NFAT5: variants seen among roughly 807,000 people sequenced by gnomAD.
NFAT5 encodes the protein nuclear factor of activated T cells 5.
In NFAT5, 31 loss-of-function variants were observed where a neutral mutation model predicts 166.5. That is an observed-to-expected ratio of 0.19 (90% CI 0.14 to 0.25). NFAT5 has a LOEUF of 0.25. Ranked by LOEUF, NFAT5 falls within the 10% of genes least tolerant of loss-of-function variation. The probability of loss-of-function intolerance (pLI) is 1.00; values close to 1 mark genes in which losing one functional copy is unlikely to be tolerated. For synonymous variants in NFAT5, 612 were observed against 639.7 expected (o/e 0.96, Z 0.65); for missense variants, 1,449 against 1,821.8 (o/e 0.80, Z 3.72).
rs139294003 is a variant in NFAT5 at position 69,672,051 on chromosome 16, C to G, written c.1557+1763C>G. On this transcript the variant is annotated intron_variant, in intron 9 of 14. Transcript: ENST00000349945. ...ACTGTCACACAAGACATTGCAGGAACCTAGAGATTACCTCCTAGCAGCCAG... is the reference window on the plus strand; with the variant it reads ...ACTGTCACACAAGACATTGCAGGAAGCTAGAGATTACCTCCTAGCAGCCAG... Among the ~76,000 whole-genome samples, 830 of 152,314 alleles carry G rather than the reference C, an allele frequency of 5.4e-3. 7 individuals are homozygous for G. The highest frequency in any genetic ancestry group is 0.019 in the African/African-American group (778 of 41,554).
chr16:69,659,548 A>G (rs2036033945), intron 6 of NFAT5, among the ~76,000 whole-genome samples, 179 bp from the exon 7 acceptor site: 1 of 152,202 alleles, frequency 6.6e-6, no homozygotes, highest in Admixed American at 6.5e-5. Flanking sequence ...AGGATTAGGA[A>G]CAGTGGTGAA....
At chr16:69,665,385 G>A (rs980174377) in intron 7 of NFAT5, among the ~76,000 whole-genome samples, 2 of 128,322 alleles carry the variant, frequency 1.6e-5, no homozygotes, top group Non-Finnish European at 1.6e-5. Flanking sequence ...AATTGTCCCT[G>A]TTTGCAGACG....
chr16:69,649,409 T>A (rs1350575319), intron 4 of NFAT5: 1 of 983,744 alleles, frequency 1.0e-6, no homozygotes, highest in Non-Finnish European at 1.2e-6. Context: ...ATCTTGACCT[T>A]CATTTTTCTG....
At position 69,574,274 on chromosome 16, in the gene NFAT5, A is replaced by G. The variant is rs148378336; in HGVS notation, c.127+5726A>G. 2.2e-3 allele frequency among the ~76,000 whole-genome samples: 339 copies of G among 152,340 alleles called. 2 individuals are homozygous for G. Among genetic ancestry groups the G allele is most frequent in the South Asian group, 5.8e-3 (28 of 4,828 alleles). On this transcript the variant is annotated intron_variant, in intron 2 of 14. Coordinates refer to ENST00000349945, the MANE Select transcript of NFAT5 (RefSeq NM_138713.4). ...AATAAAGATTATTCAGTGGCATAGG[A>G]TATAGACCTTTTAACTTTAGAGAGG...
rs1567503124 is a variant in NFAT5 at position 69,566,265 on chromosome 16, C to A, written c.-37C>A. The stretch of plus-strand genomic sequence containing the variant: ...TGCCGCCGCCACCGCCGCTCCCCCC[C>A]TCCCGCTGCCCTCGGGCCGGGCTGG... On this transcript the variant is annotated 5_prime_UTR_variant, in exon 1 of 15. Coordinates refer to ENST00000349945, the MANE Select transcript of NFAT5 (RefSeq NM_138713.4). This position sits in a 1 kb window ranked among gnomAD's most constrained non-coding sequence, Gnocchi z 5.7. 2 of 1,581,122 alleles carry A rather than the reference C, an allele frequency of 1.3e-6. No homozygotes were observed. Among genetic ancestry groups the A allele is most frequent in the Non-Finnish European group, 8.6e-7 (1 of 1,165,124 alleles).
chr16:69,698,470 C>G lies in NFAT5; in HGVS notation c.*2119C>G, dbSNP rs2037831969. 6.6e-6 allele frequency: 1 copy of G among 151,318 alleles called. No individual in the cohort carries two copies. The highest frequency in any genetic ancestry group is 2.4e-5 in the African/African-American group (1 of 40,940). 9.4% of individuals were successfully genotyped at this position (151,318 alleles called of 1,614,324 possible). On this transcript the variant is annotated 3_prime_UTR_variant, in exon 15 of 15. Transcript: ENST00000349945. ...TGTGAGTTTGTCTGATGTTCTACCA[C>G]AACGTGGCGTCTGATAACAGTGAGG...
At chr16:69,632,976 T>G (rs1007406046) in intron 3 of NFAT5, among the ~76,000 whole-genome samples, 2 of 152,176 alleles carry the variant, frequency 1.3e-5, no homozygotes, top group African/African-American at 4.8e-5. Flanking sequence ...CATAGTAAAT[T>G]TAAATACATA....
At chr16:69,572,243 A>G (rs2016486570) in intron 2 of NFAT5, among the ~76,000 whole-genome samples, 1 of 152,184 alleles carries the variant, frequency 6.6e-6, no homozygotes, top group Non-Finnish European at 1.5e-5. Context: ...GTTATAATAC[A>G]TGGCCATTAA....
intron 2 of NFAT5, among the ~76,000 whole-genome samples, chr16:69,597,495 T>C (rs1242409293): frequency 6.6e-6 from 1 of 152,300 alleles, no homozygotes. Flanking sequence ...GGCTATCAGA[T>C]TCTTTTGCTA....
At chr16:69,650,762 G>A (rs1369592744) in intron 4 of NFAT5, among the ~76,000 whole-genome samples, 1 of 152,160 alleles carries the variant, frequency 6.6e-6, no homozygotes, top group Non-Finnish European at 1.5e-5. Context: ...TAGTCACTCA[G>A]TAAATCTGCT....
In NFAT5 at chr16:69,622,317, A is replaced by G. The variant is rs961873200; in HGVS notation, c.128-4086A>G. ...ATAAAATCCTGTGCTGGTAATGACT[A>G]TATGAACTGTAGCTTCCCTTGGATA... is the stretch of plus-strand genomic sequence containing the variant. On this transcript the variant is annotated intron_variant, in intron 2 of 14. Coordinates refer to ENST00000349945, the MANE Select transcript of NFAT5 (RefSeq NM_138713.4). 5.3e-5 allele frequency among the ~76,000 whole-genome samples: 8 copies of G among 152,352 alleles called. No homozygotes were observed. The South Asian group carries it at 1.2e-3, about 24-fold the overall frequency.
intron 7 of NFAT5, among the ~76,000 whole-genome samples, chr16:69,665,469 A>G (rs56097500): frequency 0.021 from 1,901 of 88,636 alleles, 33 homozygotes; most frequent in Non-Finnish European, 0.031. Flanking sequence ...ACTTCAGCAA[A>G]GTCTCAGGAT....
chr16:69,670,068 C>A lies in NFAT5; in HGVS notation c.1461C>A (p.Asn487Lys). Residue 487 changes from asparagine to lysine, a missense_variant, in exon 8 of 15, where the codon AAC (asparagine) becomes AAA (lysine). By Grantham distance (94) the Asn-to-Lys change is moderately conservative. Around this residue, in one of 7 missense-constraint regions of NFAT5, gnomAD observed 245 missense variants for 366.6 expected, o/e 0.67. Transcript: ENST00000349945. ...AAGAAGTGTTTTTAATCGGCAAGAA[C>A]TTTCTGAAAGGAACTAAAGTTATTT... ...GEEEVFLIGK[N>K]FLKGTKVIFQ... The A allele has an allele frequency of 6.2e-7, 1 of 1,613,050 alleles. No homozygotes were observed. Among genetic ancestry groups the A allele is most frequent in the Non-Finnish European group, 8.5e-7 (1 of 1,179,710 alleles).
chr16:69,593,477 AT>A (rs59070063), intron 2 of NFAT5, among the ~76,000 whole-genome samples: 43,436 of 145,524 alleles, frequency 0.3, 7,012 homozygotes, highest in East Asian at 0.45. Flanking sequence ...GGCCCAGCTA[AT>A]TTTTTTTTTT....
Position 69,566,439 on chromosome 16 carries a change from A to T in NFAT5, c.73+65A>T. ...GACAGGGAGACAGGGAGACAGGGCC[A>T]GGGGAGGCGAGGGGTCCCCGTCCCG... On this transcript the variant is annotated intron_variant, in intron 1 of 14. Transcript: ENST00000349945. The surrounding 1 kb of genome is among the most constrained non-coding windows in gnomAD (Gnocchi z 5.7). 7.6e-7 allele frequency: 1 copy of T among 1,322,086 alleles called. No homozygotes were observed. The highest frequency in any genetic ancestry group is 1.1e-6 in the Non-Finnish European group (1 of 946,426). The allele number at this position is 1,322,086 out of a possible 1,614,324, so 81.9% of individuals were successfully genotyped here. A position where few individuals can be genotyped will look rare whatever the true frequency, so the allele number is the denominator to read the frequency against.
intron 7 of NFAT5, among the ~76,000 whole-genome samples, chr16:69,666,835 G>T (rs1258643821): frequency 6.6e-6 from 1 of 151,928 alleles, no homozygotes; most frequent in African/African-American, 2.4e-5. Flanking sequence ...TATACCCAAA[G>T]GACTATAAAT....
chr16:69,657,188 T>C (rs1009906041), intron 6 of NFAT5, among the ~76,000 whole-genome samples: 9 of 151,742 alleles, frequency 5.9e-5, no homozygotes, highest in African/African-American at 1.9e-4. Flanking sequence ...TGCAGTGGAG[T>C]GGCACGATCT....
intron 4 of NFAT5, chr16:69,648,203 A>C (rs572678068): frequency 2.4e-4 from 240 of 984,572 alleles, no homozygotes; most frequent in East Asian, 1.7e-3. Context: ...CAAAAAAAAA[A>C]CCGAAAGAAC....
chr16:69,610,017 G>C (rs2033631773), intron 2 of NFAT5, among the ~76,000 whole-genome samples: 1 of 147,568 alleles, frequency 6.8e-6, no homozygotes, highest in South Asian at 2.1e-4. Flanking sequence ...GAGAGAGAGA[G>C]AGACAGATAG....
Sources: allele counts gnomAD v4.1 joint callset (sites outside exome capture counted in the v4.1 genomes callset), GRCh38; gene constraint gnomAD v4.1.1; regional missense constraint gnomAD v4.1.1; non-coding constraint Gnocchi (gnomAD v3.1); transcripts MANE v1.5; gene names NCBI Gene and HGNC (gene_info 2026-07-23, HGNC 2026-07-21).